The following METTL15 variants were observed in gnomAD, a reference collection of about 807,000 sequenced individuals.
METTL15 encodes the protein methyltransferase 15, mitochondrial 12S rRNA N4-cytidine.
In METTL15, 34 loss-of-function variants were observed where a neutral mutation model predicts 38.3. The ratio of observed to expected loss-of-function variants is 0.89; its 90% confidence interval spans 0.68 to 1.18. The LOEUF (loss-of-function observed/expected upper bound fraction) is 1.18. METTL15 is among the 50% of genes most tolerant of loss of function. The pLI is 0.00. For missense variants in METTL15, 438 were observed against 498.4 expected (o/e 0.88, Z 1.15); for synonymous variants, 162 against 170.9 (o/e 0.95, Z 0.41).
At chr11:28,270,852 C>A (rs928033778) in intron 4 of METTL15, among the ~76,000 whole-genome samples, 2 of 152,096 alleles carry the variant, frequency 1.3e-5, no homozygotes, top group African/African-American at 4.8e-5. Context: ...GGGTTAGAAT[C>A]CCAGCTGTAC....
intron 6 of METTL15, among the ~76,000 whole-genome samples, chr11:28,448,095 C>G (rs1373083675): frequency 6.6e-6 from 1 of 152,082 alleles, no homozygotes; most frequent in Non-Finnish European, 1.5e-5. Flanking sequence ...TAACTACTCT[C>G]TTTTCTCATC....
chr11:28,174,810 G>C lies in METTL15; in HGVS notation c.271-36252G>C, dbSNP rs764574314. 8.8e-4 allele frequency among the ~76,000 whole-genome samples: 62 copies of C among 70,564 alleles called. No individual in the cohort carries two copies. The South Asian group carries it at 0.025, about 28-fold the overall frequency. The allele number at this position is 70,564 out of a possible 152,430, so 46.3% of individuals were successfully genotyped here. ...AGCCTGGGTGACAGAGCGAGATTCT[G>C]TCTCAAAAAAAAAAAAAAAACATAA... On this transcript the variant is annotated intron_variant, in intron 3 of 6. Transcript: ENST00000407364.
Position 28,234,722 on chromosome 11 carries a change from T to G in METTL15, c.407+23524T>G, listed in dbSNP as rs1403527953. Among the ~76,000 whole-genome samples, 213 of 140,948 alleles carry G rather than the reference T, an allele frequency of 1.5e-3. 2 individuals are homozygous for G. The highest frequency in any genetic ancestry group is 5.5e-3 in the African/African-American group (203 of 37,066). The allele number at this position is 140,948 out of a possible 152,430, so 92.5% of individuals were successfully genotyped here. A position where few individuals can be genotyped will look rare whatever the true frequency, so the allele number is the denominator to read the frequency against. ...GGATATTAGCCCTTTGTCAGATGAG[T>G]AGGTTGCAAAAATTTTCTCCCATTT... On this transcript the variant is annotated intron_variant, in intron 4 of 6. Coordinates refer to ENST00000407364, the MANE Select transcript of METTL15 (RefSeq NM_001113528.2).
At chr11:28,512,441 C>T (rs367599569) in intron 6 of METTL15, among the ~76,000 whole-genome samples, 1 of 152,190 alleles carries the variant, frequency 6.6e-6, no homozygotes, top group East Asian at 1.9e-4. Flanking sequence ...TGGGGAGGCT[C>T]AGGCATGGCA....
chr11:28,251,404 A>G (rs577257230), intron 4 of METTL15, among the ~76,000 whole-genome samples: 2 of 152,196 alleles, frequency 1.3e-5, no homozygotes, highest in African/African-American at 4.8e-5. Context: ...TACTAACTCC[A>G]AATTCCTAAA....
intron 5 of METTL15, among the ~76,000 whole-genome samples, chr11:28,410,332 G>A (rs1044350377): frequency 5.9e-5 from 9 of 152,060 alleles, no homozygotes; most frequent in African/African-American, 1.9e-4. Context: ...AGAAAAACAC[G>A]TGGCCAATAT....
chr11:28,417,070 C>T (rs1213551099), intron 5 of METTL15, among the ~76,000 whole-genome samples: 1 of 152,160 alleles, frequency 6.6e-6, no homozygotes. Flanking sequence ...ATTTGGAGAA[C>T]TCTGTTGTAA....
At chr11:28,268,873 A>G (rs1265508151) in intron 4 of METTL15, among the ~76,000 whole-genome samples, 1 of 152,158 alleles carries the variant, frequency 6.6e-6, no homozygotes, top group African/African-American at 2.4e-5. Flanking sequence ...TCACATTTGT[A>G]CTAACAGTGG....
At chr11:28,119,126 A>G (rs1174514632) in intron 3 of METTL15, among the ~76,000 whole-genome samples, 3 of 152,184 alleles carry the variant, frequency 2.0e-5, no homozygotes, top group African/African-American at 7.2e-5. Context: ...GAGCCTCCAC[A>G]GAAGACAGGT....
chr11:28,353,434 T>C (rs1375314462), intron 4 of METTL15, among the ~76,000 whole-genome samples: 1 of 152,162 alleles, frequency 6.6e-6, no homozygotes, highest in African/African-American at 2.4e-5. Flanking sequence ...GATTAATATG[T>C]AAAATTTACT....
chr11:28,114,980 T>C (rs1851878401), intron 3 of METTL15, among the ~76,000 whole-genome samples: 1 of 152,204 alleles, frequency 6.6e-6, no homozygotes, highest in Non-Finnish European at 1.5e-5. Flanking sequence ...TTCATAATCC[T>C]TTCAGGAATG....
In METTL15 at chr11:28,330,933, G is replaced by A; in HGVS notation, c.*92G>A. The A allele has an allele frequency of 1.2e-6, 1 of 844,464 alleles. No individual in the cohort carries two copies. Among genetic ancestry groups the A allele is most frequent in the Non-Finnish European group, 1.8e-6 (1 of 549,664 alleles). 52.3% of individuals were successfully genotyped at this position (844,464 alleles called of 1,614,324 possible). ...CCTGAATGTCTTGGTATAGGTTTAA[G>A]TGTGGGACAGTCTGAAAATTGATAG... On this transcript the variant is annotated 3_prime_UTR_variant, in exon 7 of 7. Transcript: ENST00000407364.
rs574472364 is a variant in METTL15 at position 28,360,927 on chromosome 11, C to T, written c.*259-1010C>T. ...TGCGGTGTTTGGTTTTTTGTCCTTGCGATAGTTTACTGAGAATGATGATTT... is the reference window on the plus strand; with the variant it reads ...TGCGGTGTTTGGTTTTTTGTCCTTGTGATAGTTTACTGAGAATGATGATTT... On this transcript the variant is annotated intron_variant and NMD_transcript_variant, in intron 4 of 7. Transcript: ENST00000532947. Among the ~76,000 whole-genome samples the T allele has an allele frequency of 8.7e-5, 13 of 149,940 alleles. No individual in the cohort carries two copies. The South Asian group carries it at 1.9e-3, about 22-fold the overall frequency.
chr11:28,216,887 G>C (rs1852905675), intron 4 of METTL15, among the ~76,000 whole-genome samples: 1 of 117,260 alleles, frequency 8.5e-6, no homozygotes, highest in African/African-American at 2.6e-5. Context: ...CAAAGGACAT[G>C]AACTCATCTT....
intron 6 of METTL15, among the ~76,000 whole-genome samples, chr11:28,459,392 A>C (rs539005423): frequency 3.5e-4 from 54 of 152,310 alleles, no homozygotes; most frequent in Non-Finnish European, 6.9e-4. Context: ...ACAGGCAAAA[A>C]TATGACAGCC....
chr11:28,327,942 A>G (rs1340130381), intron 6 of METTL15: 2 of 648,712 alleles, frequency 3.1e-6, no homozygotes, highest in African/African-American at 1.9e-5. Context: ...ATGTTGAACC[A>G]TCATTTTAAT....
At chr11:28,484,859 C>T (rs1564944462) in intron 6 of METTL15, among the ~76,000 whole-genome samples, 1 of 152,048 alleles carries the variant, frequency 6.6e-6, no homozygotes, top group Non-Finnish European at 1.5e-5. Flanking sequence ...ACAGTCTGGC[C>T]GTCCCACACC....
At chr11:28,428,414 C>G (rs895402439) in intron 6 of METTL15, among the ~76,000 whole-genome samples, 3 of 152,146 alleles carry the variant, frequency 2.0e-5, no homozygotes, top group Non-Finnish European at 4.4e-5. Flanking sequence ...ATTGTATATA[C>G]AATCCTAGGA....
At chr11:28,411,364 A>G (rs571237759) in intron 5 of METTL15, among the ~76,000 whole-genome samples, 28 of 152,226 alleles carry the variant, frequency 1.8e-4, no homozygotes, top group Non-Finnish European at 3.7e-4. Flanking sequence ...TCAAAATAGC[A>G]TAGTACTGGC....
Sources: allele counts gnomAD v4.1 joint callset (sites outside exome capture counted in the v4.1 genomes callset), GRCh38; gene constraint gnomAD v4.1.1; transcripts MANE v1.5; gene names NCBI Gene and HGNC (gene_info 2026-07-23, HGNC 2026-07-21).